The following GALNTL6 variants were observed in gnomAD, a reference collection of about 807,000 sequenced individuals.
GALNTL6 encodes the protein polypeptide N-acetylgalactosaminyltransferase like 6.
In GALNTL6, 46 loss-of-function variants were observed where a neutral mutation model predicts 73.7. That is an observed-to-expected ratio of 0.62 (90% CI 0.49 to 0.80). GALNTL6 has a LOEUF of 0.80. Among genes scored for constraint, GALNTL6 ranks in the 30% least tolerant of loss-of-function variants. GALNTL6 has a pLI of 0.00. For missense variants in GALNTL6, 604 were observed against 755.0 expected, an observed-to-expected ratio of 0.80 and a Z score of 2.34; for synonymous variants, 259 against 263.7, an observed-to-expected ratio of 0.98 and a Z score of 0.17.
chr4:172,440,954 A>G (rs1731816069), intron 5 of GALNTL6, among the ~76,000 whole-genome samples: 1 of 151,974 alleles, frequency 6.6e-6, no homozygotes, highest in African/African-American at 2.4e-5. Context: ...GTATTTATTA[A>G]TGTATTTAAT....
At chr4:171,914,677 A>G (rs1240219900) in intron 2 of GALNTL6, among the ~76,000 whole-genome samples, 1 of 151,622 alleles carries the variant, frequency 6.6e-6, no homozygotes, top group Non-Finnish European at 1.5e-5. Context: ...TGTCCTCCCA[A>G]ATTGCTGGGA....
chr4:172,175,247 T>A (rs1381447767), intron 2 of GALNTL6, among the ~76,000 whole-genome samples: 2 of 152,044 alleles, frequency 1.3e-5, no homozygotes, highest in African/African-American at 4.8e-5. Flanking sequence ...TGGCTAATTT[T>A]TTTGTATGGG....
chr4:172,644,298 C>T (rs1740128712), intron 5 of GALNTL6, among the ~76,000 whole-genome samples: 1 of 151,476 alleles, frequency 6.6e-6, no homozygotes, highest in Non-Finnish European at 1.5e-5. Flanking sequence ...TATACATATA[C>T]ATATACACAT....
intron 2 of GALNTL6, among the ~76,000 whole-genome samples, chr4:172,145,959 A>G (rs1056843670): frequency 2.6e-5 from 4 of 152,220 alleles, no homozygotes; most frequent in African/African-American, 9.6e-5. Flanking sequence ...TGGACAAGGA[A>G]CTAAATTATG....
intron 5 of GALNTL6, among the ~76,000 whole-genome samples, chr4:172,420,838 A>G (rs866812425): frequency 2.0e-5 from 3 of 152,170 alleles, no homozygotes; most frequent in Admixed American, 6.5e-5. Context: ...GCAGCCAAAA[A>G]AAAGAATGAG....
At position 171,867,537 on chromosome 4, in the gene GALNTL6, C is replaced by T. The variant is rs186874941; in HGVS notation, c.138+52819C>T. ...CAAATTTACCACTTGTTTCCATCCC[C>T]GACACCTCAATTCTAAATCAGACCA... On this transcript the variant is annotated intron_variant, in intron 2 of 12. Coordinates refer to ENST00000506823, the MANE Select transcript of GALNTL6 (RefSeq NM_001034845.3). Among the ~76,000 whole-genome samples the T allele has an allele frequency of 1.8e-3, 277 of 152,244 alleles. 3 individuals are homozygous for T. Among genetic ancestry groups the T allele is most frequent in the African/African-American group, 6.3e-3 (261 of 41,536 alleles).
chr4:172,481,092 A>C (rs1330169631), intron 5 of GALNTL6, among the ~76,000 whole-genome samples: 4 of 152,052 alleles, frequency 2.6e-5, no homozygotes, highest in African/African-American at 4.8e-5. Context: ...GTGTGTCCGG[A>C]GTTTGTTACT....
chr4:172,372,265 G>T (rs182967760), intron 5 of GALNTL6, among the ~76,000 whole-genome samples: 178 of 152,306 alleles, frequency 1.2e-3, no homozygotes, highest in Non-Finnish European at 1.7e-3. Flanking sequence ...AGGCTTGATT[G>T]GCTCCCCATC....
At chr4:172,369,901 C>A (rs1355692777) in intron 5 of GALNTL6, among the ~76,000 whole-genome samples, 2 of 152,220 alleles carry the variant, frequency 1.3e-5, no homozygotes, top group African/African-American at 4.8e-5. Flanking sequence ...CCTCGGCCAA[C>A]CCAGAGAGGG....
chr4:172,611,901 G>A (rs913156809), intron 5 of GALNTL6, among the ~76,000 whole-genome samples: 1 of 152,072 alleles, frequency 6.6e-6, no homozygotes, highest in Non-Finnish European at 1.5e-5. Context: ...ATAAGGCACA[G>A]GAAGTTAAAT....
intron 9 of GALNTL6, among the ~76,000 whole-genome samples, chr4:172,951,559 G>A (rs1749445189): frequency 6.6e-6 from 1 of 152,218 alleles, no homozygotes; most frequent in Non-Finnish European, 1.5e-5. Flanking sequence ...ATGTACAAAT[G>A]CTCGGTGATC....
At chr4:172,402,112 A>G (rs1241723149) in intron 5 of GALNTL6, among the ~76,000 whole-genome samples, 2 of 152,134 alleles carry the variant, frequency 1.3e-5, no homozygotes, top group African/African-American at 4.8e-5. Flanking sequence ...CACATGAAAT[A>G]TCTTCAATAA....
chr4:172,603,770 C>T (rs1738155875), intron 5 of GALNTL6, among the ~76,000 whole-genome samples: 1 of 152,142 alleles, frequency 6.6e-6, no homozygotes. Flanking sequence ...GATTCCATGG[C>T]AGGCAGGTTA....
chr4:172,148,752 T>A (rs548476249), intron 2 of GALNTL6, among the ~76,000 whole-genome samples: 2 of 152,322 alleles, frequency 1.3e-5, no homozygotes, highest in Non-Finnish European at 2.9e-5. Context: ...CACACCAGTA[T>A]TAGCTAATAG....
intron 5 of GALNTL6, among the ~76,000 whole-genome samples, chr4:172,379,478 C>T (rs1251750612): frequency 7.7e-6 from 1 of 129,148 alleles, no homozygotes; most frequent in Non-Finnish European, 1.5e-5. Flanking sequence ...TGCAGTGAGC[C>T]GAGATTGCGC....
intron 2 of GALNTL6, among the ~76,000 whole-genome samples, chr4:172,065,653 C>T (rs1002879493): frequency 2.0e-5 from 3 of 152,004 alleles, no homozygotes; most frequent in African/African-American, 4.8e-5. Context: ...CTTCTTTCTC[C>T]ACATAATACC....
intron 7 of GALNTL6, among the ~76,000 whole-genome samples, chr4:172,825,055 TC>T (rs1318669290): frequency 1.3e-3 from 92 of 70,836 alleles, no homozygotes; most frequent in Middle Eastern, 0.01. Flanking sequence ...AATTCTTTTT[TC>T]TTTTTTTTTT....
chr4:172,223,633 T>C (rs1041027965), intron 2 of GALNTL6, among the ~76,000 whole-genome samples: 4 of 152,096 alleles, frequency 2.6e-5, no homozygotes, highest in South Asian at 4.1e-4. Context: ...AATAAATGAA[T>C]AATGGGAGAA....
chr4:172,678,945 T>C (rs984742650), intron 5 of GALNTL6, among the ~76,000 whole-genome samples: 1 of 152,194 alleles, frequency 6.6e-6, no homozygotes, highest in African/African-American at 2.4e-5. Context: ...AAACATACTC[T>C]GGTACAACTA....
Sources: allele counts gnomAD v4.1 joint callset (sites outside exome capture counted in the v4.1 genomes callset), GRCh38; gene constraint gnomAD v4.1.1; transcripts MANE v1.5; gene names NCBI Gene and HGNC (gene_info 2026-07-23, HGNC 2026-07-21).